Variants in SGMS2 observed in about 807,000 individuals in gnomAD.
SGMS2 encodes the protein sphingomyelin synthase 2.
Under a neutral mutation model 43.8 loss-of-function variants are expected in SGMS2, and 21 were observed. The ratio of observed to expected loss-of-function variants is 0.48; its 90% CI spans 0.34 to 0.69. The LOEUF (loss-of-function observed/expected upper bound fraction) is 0.69. SGMS2 is among the 30% of genes least tolerant of loss of function. The probability of loss-of-function intolerance (pLI) is 0.01; values close to 1 mark genes in which losing one functional copy is unlikely to be tolerated. For missense variants in SGMS2, 384 were observed against 443.2 expected (o/e 0.87, Z 1.20); for synonymous variants, 167 against 160.6 (o/e 1.04, Z -0.30).
intron 1 of SGMS2, among the ~76,000 whole-genome samples, chr4:107,832,323 G>T (rs746611072): frequency 3.9e-5 from 6 of 152,122 alleles, no homozygotes; most frequent in Non-Finnish European, 5.9e-5. Context: ...AGTTTCATTG[G>T]CAAGTTATAA....
At chr4:107,901,034 C>T (rs748284876) in intron 4 of SGMS2, among the ~76,000 whole-genome samples, 7 of 152,198 alleles carry the variant, frequency 4.6e-5, no homozygotes, top group African/African-American at 7.2e-5. Flanking sequence ...ATCTTAGTAA[C>T]GGATGAGGTT....
In SGMS2 at chr4:107,895,359, A is replaced by C. The variant is rs1325854710; in HGVS notation, c.-195A>C. On this transcript the variant is annotated 5_prime_UTR_variant, in exon 3 of 7. Coordinates refer to ENST00000690982, the MANE Select transcript of SGMS2 (RefSeq NM_001375905.1). ...GGAAGAATTGGCTTCCTTTCTTGAA[A>C]GTGGTGAAGGTACAGCATATAGCTG... 2 of 530,724 alleles carry C rather than the reference A, an allele frequency of 3.8e-6. No homozygotes were observed. The highest frequency in any genetic ancestry group is 6.1e-5 in the East Asian group (2 of 32,980). The allele number at this position is 530,724 out of a possible 1,614,324, so 32.9% of individuals were successfully genotyped here.
At chr4:107,898,145 T>G (rs4956139) in intron 3 of SGMS2, among the ~76,000 whole-genome samples, 23 of 152,042 alleles carry the variant, frequency 1.5e-4, no homozygotes, top group Non-Finnish European at 2.9e-4. Context: ...TCAGCACTGT[T>G]TATTACCTGC....
chr4:107,845,134 C>T (rs142678735), intron 1 of SGMS2, among the ~76,000 whole-genome samples: 2 of 152,296 alleles, frequency 1.3e-5, no homozygotes, highest in African/African-American at 4.8e-5. Flanking sequence ...TGCCCCAGGC[C>T]AGGGAGCAGA....
At chr4:107,847,836 G>C (rs1438748793) in intron 1 of SGMS2, among the ~76,000 whole-genome samples, 1 of 152,134 alleles carries the variant, frequency 6.6e-6, no homozygotes, top group African/African-American at 2.4e-5. Flanking sequence ...TGAACAGAAA[G>C]TACTGAGTTC....
intron 2 of SGMS2, among the ~76,000 whole-genome samples, chr4:107,887,097 GT>G (rs1272730249): frequency 6.6e-6 from 1 of 152,174 alleles, no homozygotes; most frequent in Admixed American, 6.6e-5. Flanking sequence ...ACTTCTGTTA[GT>G]TTAGTCCATG....
At chr4:107,885,226 CA>C (rs200477464) in intron 2 of SGMS2, among the ~76,000 whole-genome samples, 22 of 132,250 alleles carry the variant, frequency 1.7e-4, no homozygotes, top group African/African-American at 4.4e-4. Flanking sequence ...TGTTTTGTTA[CA>C]TTTTTTTTTT....
intron 4 of SGMS2, among the ~76,000 whole-genome samples, chr4:107,902,459 A>G (rs1731204580): frequency 6.6e-6 from 1 of 152,050 alleles, no homozygotes; most frequent in Admixed American, 6.6e-5. Flanking sequence ...CTATGCCTAC[A>G]GTTTGGACCA....
intron 1 of SGMS2, among the ~76,000 whole-genome samples, chr4:107,840,551 A>G (rs1726441381): frequency 6.6e-6 from 1 of 152,234 alleles, no homozygotes; most frequent in Non-Finnish European, 1.5e-5. Flanking sequence ...GTGAATAGGA[A>G]ATAGGAAAGG....
intron 1 of SGMS2, among the ~76,000 whole-genome samples, chr4:107,833,011 G>A (rs936135062): frequency 3.3e-5 from 5 of 152,190 alleles, no homozygotes; most frequent in African/African-American, 1.2e-4. Context: ...CTGGGCGACA[G>A]AGTGAGATCC....
intron 1 of SGMS2, among the ~76,000 whole-genome samples, chr4:107,845,227 G>C (rs1199476823): frequency 1.3e-5 from 2 of 152,202 alleles, no homozygotes; most frequent in Non-Finnish European, 2.9e-5. Context: ...CTGAGGCCTG[G>C]ATTAGCAGAA....
At chr4:107,897,244 T>G (rs1014430404) in intron 3 of SGMS2, among the ~76,000 whole-genome samples, 1 of 152,234 alleles carries the variant, frequency 6.6e-6, no homozygotes, top group African/African-American at 2.4e-5. Context: ...CAGTCATTCC[T>G]AAGCATTTTC....
intron 1 of SGMS2, among the ~76,000 whole-genome samples, chr4:107,828,164 C>T (rs1162023236): frequency 6.6e-6 from 1 of 152,132 alleles, no homozygotes; most frequent in East Asian, 1.9e-4. Context: ...GCCATAATCT[C>T]ACCACCCAGA....
chr4:107,837,460 A>G (rs1726250507), intron 1 of SGMS2, among the ~76,000 whole-genome samples: 1 of 152,130 alleles, frequency 6.6e-6, no homozygotes, highest in African/African-American at 2.4e-5. Flanking sequence ...GTGATTACAC[A>G]GGAAAGGGAA....
At chr4:107,877,431 G>A (rs541125785) in intron 2 of SGMS2, among the ~76,000 whole-genome samples, 1 of 152,248 alleles carries the variant, frequency 6.6e-6, no homozygotes, top group East Asian at 1.9e-4. Flanking sequence ...TATAAATCTT[G>A]GGGATATATA....
intron 2 of SGMS2, among the ~76,000 whole-genome samples, chr4:107,859,791 G>A (rs1320732550): frequency 6.6e-6 from 1 of 152,044 alleles, no homozygotes; most frequent in Non-Finnish European, 1.5e-5. Flanking sequence ...CCTTCAGGAT[G>A]GCAGATGGAC....
chr4:107,829,242 A>G (rs1399342359), intron 1 of SGMS2, among the ~76,000 whole-genome samples: 1 of 152,162 alleles, frequency 6.6e-6, no homozygotes, highest in Non-Finnish European at 1.5e-5. Context: ...CTATTAGTTT[A>G]TTTTTATTAT....
In SGMS2 at chr4:107,910,348, A is replaced by G; in HGVS notation, c.895-2A>G. ...ATTTAAATTTTTTTCTACCATTTAC[A>G]GAACTTGAAGGTCTCTTCACAGACT... On this transcript the variant is annotated splice_acceptor_variant, in intron 6 of 6. Transcript: ENST00000690982. LOFTEE classifies it high-confidence loss of function. The G allele has an allele frequency of 6.2e-7, 1 of 1,611,816 alleles. No individual in the cohort carries two copies. Among genetic ancestry groups the G allele is most frequent in the Non-Finnish European group, 8.5e-7 (1 of 1,179,082 alleles).
In SGMS2 at chr4:107,914,927, A is replaced by G. The variant is rs1732360215; in HGVS notation, c.*4374A>G. The G allele has an allele frequency of 1.3e-5, 2 of 152,132 alleles. No individual in the cohort carries two copies. The highest frequency in any genetic ancestry group is 4.8e-5 in the African/African-American group (2 of 41,442). The allele number at this position is 152,132 out of a possible 1,614,324, so 9.4% of individuals were successfully genotyped here. A position where few individuals can be genotyped will look rare whatever the true frequency, so the allele number is the denominator to read the frequency against. On this transcript the variant is annotated 3_prime_UTR_variant, in exon 7 of 7. Coordinates refer to ENST00000690982, the MANE Select transcript of SGMS2 (RefSeq NM_001375905.1). ...TAAAACTGATTTATGTTTCTCTTCT[A>G]AAGAGGATATGTGTACTTGGTTTCT...
Sources: allele counts gnomAD v4.1 joint callset (sites outside exome capture counted in the v4.1 genomes callset), GRCh38; gene constraint gnomAD v4.1.1; transcripts MANE v1.5; gene names NCBI Gene and HGNC (gene_info 2026-07-23, HGNC 2026-07-21).